Variants in BCAP29 observed in about 807,000 individuals in gnomAD.
BCAP29 encodes the protein B-cell receptor-associated protein 29.
BCAP29 carries 34 observed loss-of-function variants against 31.8 expected under a neutral mutation model. The observed-to-expected ratio is 1.07, with a 90% CI of 0.81 to 1.42. The LOEUF (loss-of-function observed/expected upper bound fraction) is 1.42. Among genes scored for constraint, BCAP29 ranks in the 40% most tolerant of loss-of-function variants. The pLI is 0.00. For missense variants in BCAP29, 314 were observed against 269.2 expected, an observed-to-expected ratio of 1.17 and a Z score of -1.16; for synonymous variants, 104 against 91.3, an observed-to-expected ratio of 1.14 and a Z score of -0.79.
rs199550594 is a variant in BCAP29, at chr7:107,594,798, G to A, written c.344+693G>A. Among the ~76,000 whole-genome samples, 5 of 152,194 alleles carry A rather than the reference G, an allele frequency of 3.3e-5. No homozygotes were observed. In the East Asian group the frequency reaches 5.8e-4, roughly 18 times the overall value. On this transcript the variant is annotated intron_variant, in intron 4 of 7. Transcript: ENST00000005259. ...ATTACAGATGTGAGCCAACGCGCCC[G>A]GCCTGTAGATTTTTTTATAACATCT...
intron 3 of BCAP29, among the ~76,000 whole-genome samples, chr7:107,588,210 G>A (rs77696968): frequency 0.023 from 3,520 of 152,174 alleles, 133 homozygotes; most frequent in African/African-American, 0.08. Context: ...TAGAAACTAA[G>A]ACTTTCAGGA....
intron 2 of BCAP29, among the ~76,000 whole-genome samples, chr7:107,581,713 C>T (rs1209415814): frequency 1.3e-5 from 2 of 152,192 alleles, no homozygotes; most frequent in Admixed American, 1.3e-4. Context: ...GGAGAAACTT[C>T]TTAAAGTTTC....
chr7:107,605,185 C>A (rs1360413639), intron 6 of BCAP29, among the ~76,000 whole-genome samples: 3 of 152,092 alleles, frequency 2.0e-5, no homozygotes, highest in Non-Finnish European at 4.4e-5. Flanking sequence ...ATGTGTCTTT[C>A]AGTAACCAGG....
intron 3 of BCAP29, among the ~76,000 whole-genome samples, chr7:107,586,182 A>G (rs1421799945): frequency 1.3e-5 from 2 of 152,124 alleles, no homozygotes; most frequent in Non-Finnish European, 2.9e-5. Context: ...CTTTTTTATT[A>G]TGGACTCTGA....
At chr7:107,621,813 CT>C (rs1431599776), downstream of BCAP29, 1 of 503,860 alleles carries the variant, frequency 2.0e-6, no homozygotes, top group East Asian at 5.7e-5. Flanking sequence ...ACCGATAAAA[CT>C]GATATTGGAC....
chr7:107,592,848 T>C (rs968143842), intron 3 of BCAP29, among the ~76,000 whole-genome samples: 13 of 152,196 alleles, frequency 8.5e-5, no homozygotes, highest in African/African-American at 3.1e-4. Context: ...AGATAGTATA[T>C]GATTCAGTTT....
chr7:107,587,518 A>G (rs1463590563), intron 3 of BCAP29: 4 of 152,218 alleles, frequency 2.6e-5, no homozygotes, highest in Non-Finnish European at 4.4e-5. Context: ...CCTATTTAAA[A>G]TAAGTCGTAA....
intron 5 of BCAP29, 45 bp from the exon 6 acceptor site, chr7:107,600,352 A>C: frequency 3.6e-6 from 4 of 1,102,322 alleles, no homozygotes; most frequent in Non-Finnish European, 5.6e-6. Context: ...ATGTCTGGCT[A>C]TTGCAATCTA....
At chr7:107,612,876 T>G (rs887063154) in intron 6 of BCAP29, among the ~76,000 whole-genome samples, 1 of 152,062 alleles carries the variant, frequency 6.6e-6, no homozygotes, top group Non-Finnish European at 1.5e-5. Context: ...TATTCCAGAT[T>G]AAAAGAAATT....
intron 6 of BCAP29, among the ~76,000 whole-genome samples, chr7:107,606,030 T>A (rs1029710105): frequency 6.6e-6 from 1 of 152,180 alleles, no homozygotes; most frequent in Non-Finnish European, 1.5e-5. Context: ...AAAAAGAATT[T>A]AAAAATAAAA....
intron 2 of BCAP29, among the ~76,000 whole-genome samples, chr7:107,582,629 T>C (rs1347024575): frequency 2.0e-5 from 3 of 152,182 alleles, no homozygotes; most frequent in Admixed American, 2.0e-4. Context: ...GTCTACCCCT[T>C]ACGGTAGTTG....
chr7:107,598,936 C>T (rs970171153), intron 5 of BCAP29, among the ~76,000 whole-genome samples: 7 of 143,834 alleles, frequency 4.9e-5, no homozygotes, highest in Non-Finnish European at 7.5e-5. Flanking sequence ...CACACACGCA[C>T]GCACATATAT....
At chr7:107,588,050 T>C (rs1278628725) in intron 3 of BCAP29, 1 of 152,206 alleles carries the variant, frequency 6.6e-6, no homozygotes, top group Non-Finnish European at 1.5e-5. Flanking sequence ...AACATAGTAC[T>C]CTTAACTTTT....
intron 6 of BCAP29, among the ~76,000 whole-genome samples, chr7:107,610,798 G>A (rs1016411964): frequency 1.3e-5 from 2 of 152,124 alleles, no homozygotes; most frequent in Non-Finnish European, 2.9e-5. Context: ...GAACTACTGG[G>A]TTGATATCTA....
downstream of BCAP29, chr7:107,622,029 G>A (rs1815019872): frequency 4.5e-6 from 2 of 448,068 alleles, no homozygotes; most frequent in Non-Finnish European, 9.2e-6. Context: ...ATAAGTCAAA[G>A]ATAGCCTTAG....
chr7:107,600,048 TC>T (rs1201839835), intron 5 of BCAP29, among the ~76,000 whole-genome samples: 52 of 152,268 alleles, frequency 3.4e-4, no homozygotes, highest in African/African-American at 1.3e-3. Flanking sequence ...ATTAATATCA[TC>T]CTCAGAACTG....
chr7:107,613,848 T>C (rs1316327651), intron 7 of BCAP29: 2 of 702,026 alleles, frequency 2.8e-6, no homozygotes, highest in East Asian at 5.7e-5. Flanking sequence ...GACAAGACTT[T>C]AGCATTCAAA....
chr7:107,607,474 T>C (rs542610626), intron 6 of BCAP29, among the ~76,000 whole-genome samples: 1 of 152,240 alleles, frequency 6.6e-6, no homozygotes, highest in East Asian at 1.9e-4. Flanking sequence ...TCCTGGCTCC[T>C]CATACTTCCC....
intron 1 of BCAP29, 80 bp from the exon 2 acceptor site, chr7:107,580,679 A>G (rs954242922): frequency 1.1e-6 from 1 of 951,420 alleles, no homozygotes. Flanking sequence ...CATCCCCTGG[A>G]CAAAAACGCT....
Sources: gnomAD v4.1 joint callset for allele counts (sites outside exome capture counted in the v4.1 genomes callset) on GRCh38, gnomAD v4.1.1 for gene constraint, MANE v1.5 for transcripts, NCBI Gene and HGNC (gene_info 2026-07-23, HGNC 2026-07-21) for gene names.